SATB1: variants seen among roughly 807,000 people sequenced by gnomAD.
SATB1 encodes DNA-binding protein SATB1.
In SATB1, 11 loss-of-function variants were observed where a neutral mutation model predicts 86.9. The observed-to-expected ratio is 0.13, with a 90% CI of 0.08 to 0.21. The LOEUF is 0.21. SATB1 is among the 10% of genes least tolerant of loss of function. The pLI is 1.00. For synonymous variants in SATB1, 357 were observed against 357.2 expected, an observed-to-expected ratio of 1.00 and a Z score of 0.01; for missense variants, 551 against 937.6, an observed-to-expected ratio of 0.59 and a Z score of 5.39.
chr3:18,432,811 A>C (rs1178783228), intron 2 of SATB1, among the ~76,000 whole-genome samples: 1 of 152,070 alleles, frequency 6.6e-6, no homozygotes, highest in Non-Finnish European at 1.5e-5. Flanking sequence ...TTCAAAAAAA[A>C]AAAAACAAAA....
intron 9 of SATB1, among the ~76,000 whole-genome samples, chr3:18,371,981 C>T (rs189618306): frequency 7.2e-5 from 11 of 152,294 alleles, no homozygotes; most frequent in Middle Eastern, 3.4e-3. Flanking sequence ...TCCTGAAGAA[C>T]TAACTCTTCA....
At position 18,410,037 on chromosome 3, in the gene SATB1, G is replaced by C. The variant is rs574941838; in HGVS notation, c.639+5074C>G. Among the ~76,000 whole-genome samples the C allele has an allele frequency of 5.3e-5, 8 of 152,128 alleles. No individual in the cohort carries two copies. The East Asian group carries it at 1.6e-3, about 30-fold the overall frequency. On this transcript the variant is annotated intron_variant, in intron 5 of 10. Transcript: ENST00000338745. ...AATAGGAAAGAGAAGTAACTGCACA[G>C]AACTATACCGGCAAATCTTCTGGAA...
intron 9 of SATB1, among the ~76,000 whole-genome samples, chr3:18,368,809 T>C (rs941768032): frequency 2.0e-5 from 3 of 152,224 alleles, no homozygotes; most frequent in Non-Finnish European, 4.4e-5. Context: ...ATTGTTGTGA[T>C]CTGGTTCCAG....
At chr3:18,359,577 T>C (rs1694810133) in intron 9 of SATB1, among the ~76,000 whole-genome samples, 1 of 151,984 alleles carries the variant, frequency 6.6e-6, no homozygotes, top group African/African-American at 2.4e-5. Flanking sequence ...GCTTTTAGGG[T>C]AGTTTAGTCA....
chr3:18,416,579 T>C (rs1198766695), intron 3 of SATB1, among the ~76,000 whole-genome samples: 1 of 152,106 alleles, frequency 6.6e-6, no homozygotes, highest in African/African-American at 2.4e-5. Context: ...TAAATGCAAA[T>C]TGACTCTCAA....
intron 5 of SATB1, among the ~76,000 whole-genome samples, chr3:18,414,005 AT>A (rs1317468303): frequency 6.6e-6 from 1 of 152,110 alleles, no homozygotes; most frequent in Non-Finnish European, 1.5e-5. Flanking sequence ...TTAGAAACAC[AT>A]TTTGAGAATA....
chr3:18,357,541 A>ATTT (rs10539857), intron 9 of SATB1, among the ~76,000 whole-genome samples: 96 of 135,562 alleles, frequency 7.1e-4, no homozygotes, highest in African/African-American at 2.4e-3. Flanking sequence ...ATAGAGGGCA[A>ATTT]TTTTTTTTTT....
At chr3:18,389,155 G>A (rs1443554415) in intron 7 of SATB1, among the ~76,000 whole-genome samples, 3 of 151,614 alleles carry the variant, frequency 2.0e-5, no homozygotes, top group Non-Finnish European at 2.9e-5. Context: ...TTTTTTGTTC[G>A]TCTGAAATAT....
chr3:18,366,128 T>C (rs1204065225), intron 9 of SATB1, among the ~76,000 whole-genome samples: 4 of 152,192 alleles, frequency 2.6e-5, no homozygotes, highest in Non-Finnish European at 4.4e-5. Flanking sequence ...AGCACTCCTG[T>C]TGGTACCATA....
chr3:18,395,482 A>C (rs527657682), intron 6 of SATB1, among the ~76,000 whole-genome samples: 23 of 152,344 alleles, frequency 1.5e-4, no homozygotes, highest in African/African-American at 5.3e-4. Flanking sequence ...TGTAATAAAT[A>C]AAAATGGGCA....
intron 2 of SATB1, among the ~76,000 whole-genome samples, chr3:18,419,594 CT>C (rs1330109544): frequency 6.6e-6 from 1 of 152,114 alleles, no homozygotes; most frequent in Non-Finnish European, 1.5e-5. Flanking sequence ...GTCAGAAAGT[CT>C]TTTTTATACA....
At chr3:18,368,570 A>C (rs944651906) in intron 9 of SATB1, among the ~76,000 whole-genome samples, 2 of 152,190 alleles carry the variant, frequency 1.3e-5, no homozygotes, top group African/African-American at 2.4e-5. Context: ...AGCAAAAGGG[A>C]AAATGAGTAA....
In SATB1 at chr3:18,362,414, G is replaced by A. The variant is rs181442077; in HGVS notation, c.1576-10219C>T. Among the ~76,000 whole-genome samples the A allele has an allele frequency of 4.5e-3, 680 of 152,040 alleles. 3 individuals carry two copies. Among genetic ancestry groups the A allele is most frequent in the African/African-American group, 0.015 (637 of 41,454 alleles). The stretch of plus-strand genomic sequence containing the variant: ...AACAAATTCAAGCGGCAGCAAATGC[G>A]GGTACACAGAAAGATACAAAAATGG... On this transcript the variant is annotated intron_variant, in intron 9 of 10. Coordinates refer to ENST00000338745, the MANE Select transcript of SATB1 (RefSeq NM_002971.6).
Position 18,386,189 on chromosome 3 carries a change from C to G in SATB1, c.1419+210G>C, listed in dbSNP as rs1426698709. Among the ~76,000 whole-genome samples the G allele has an allele frequency of 6.6e-6, 1 of 152,062 alleles. No individual in the cohort carries two copies. Among genetic ancestry groups the G allele is most frequent in the Admixed American group, 6.6e-5 (1 of 15,266 alleles). On this transcript the variant is annotated intron_variant, in intron 8 of 10. Transcript: ENST00000338745. The surrounding 1 kb of genome is among the most constrained non-coding windows in gnomAD (Gnocchi z 4.5). ...AAATAACCCAAAGAATGAAGGAACA[C>G]AAAGCAATTTTCTTCCCTCTATCTA...
chr3:18,396,050 C>T (rs555073731), intron 6 of SATB1, among the ~76,000 whole-genome samples: 12 of 152,232 alleles, frequency 7.9e-5, no homozygotes, highest in Admixed American at 3.9e-4. Context: ...TCCTGATATA[C>T]GCAAAATATA....
In SATB1 at chr3:18,348,831, A is replaced by G. The variant is rs1244950767; in HGVS notation, c.*339T>C. ...AGGAAATCATAATCACAGAAGGTATAATGCTTGTTTGAGGCTCCGGAATAA... is the reference window on the plus strand; with the variant it reads ...AGGAAATCATAATCACAGAAGGTATGATGCTTGTTTGAGGCTCCGGAATAA... On this transcript the variant is annotated 3_prime_UTR_variant, in exon 11 of 11. Coordinates refer to ENST00000338745, the MANE Select transcript of SATB1 (RefSeq NM_002971.6). 3.8e-6 allele frequency: 1 copy of G among 263,028 alleles called. No homozygotes were observed. Among genetic ancestry groups the G allele is most frequent in the Non-Finnish European group, 7.2e-6 (1 of 138,084 alleles). The allele number at this position is 263,028 out of a possible 1,614,324, so 16.3% of individuals were successfully genotyped here. A position where few individuals can be genotyped will look rare whatever the true frequency, so the allele number is the denominator to read the frequency against.
intron 9 of SATB1, among the ~76,000 whole-genome samples, chr3:18,376,714 G>A (rs1180046846): frequency 6.6e-6 from 1 of 152,098 alleles, no homozygotes; most frequent in Non-Finnish European, 1.5e-5. Flanking sequence ...CAAGAGCCCT[G>A]TAATTTCCAA....
intron 1 of SATB1, chr3:18,445,413 C>G: frequency 1.0e-6 from 1 of 985,264 alleles, no homozygotes; most frequent in Non-Finnish European, 1.2e-6. Flanking sequence ...CGGGGGTTGG[C>G]GCGGAAGACA....
intron 9 of SATB1, among the ~76,000 whole-genome samples, chr3:18,362,663 G>C (rs983614895): frequency 2.0e-5 from 3 of 151,682 alleles, no homozygotes; most frequent in Non-Finnish European, 4.4e-5. Context: ...TTAAAAAGAA[G>C]AATTTATGCT....
Sources: allele counts gnomAD v4.1 joint callset (sites outside exome capture counted in the v4.1 genomes callset), GRCh38; gene constraint gnomAD v4.1.1; non-coding constraint Gnocchi (gnomAD v3.1); transcripts MANE v1.5; gene names NCBI Gene and HGNC (gene_info 2026-07-23, HGNC 2026-07-21).